NEGR1: variants seen among roughly 807,000 people sequenced by gnomAD.
The protein encoded by NEGR1 is neuronal growth regulator 1.
A neutral mutation model predicts 40.9 loss-of-function variants in NEGR1; 10 were observed. That is an observed-to-expected ratio of 0.24 (90% CI 0.15 to 0.42). The LOEUF is 0.42. Among genes scored for constraint, NEGR1 ranks in the 10% least tolerant of loss-of-function variants. The pLI, the probability that NEGR1 is intolerant of heterozygous loss-of-function variation, is 1.00. For synonymous variants in NEGR1, 185 were observed against 166.8 expected, an observed-to-expected ratio of 1.11 and a Z score of -0.84; for missense variants, 352 against 438.9, an observed-to-expected ratio of 0.80 and a Z score of 1.77.
intron 6 of NEGR1, among the ~76,000 whole-genome samples, chr1:71,505,952 A>C (rs1457878330): frequency 2.6e-5 from 4 of 152,182 alleles, no homozygotes; most frequent in African/African-American, 9.7e-5. Flanking sequence ...GCAAGTCTCT[A>C]AGAACAAATT....
At chr1:71,503,191 G>T (rs116168738) in intron 6 of NEGR1, among the ~76,000 whole-genome samples, 3 of 152,068 alleles carry the variant, frequency 2.0e-5, no homozygotes, top group African/African-American at 7.2e-5. Flanking sequence ...GTAACCCTTC[G>T]GTCTTTTGGC....
At chr1:72,254,616 G>C (rs1655203890) in intron 1 of NEGR1, among the ~76,000 whole-genome samples, 1 of 150,734 alleles carries the variant, frequency 6.6e-6, no homozygotes, top group Non-Finnish European at 1.5e-5. Context: ...GCAGGAGAAT[G>C]GTGTGAACCC....
Position 71,744,873 on chromosome 1 carries a change from T to C in NEGR1, c.535+31299A>G, listed in dbSNP as rs551382053. On this transcript the variant is annotated intron_variant, in intron 3 of 6. Transcript: ENST00000357731. ...TTTACTTTACAAAGAAATAGTTTTA[T>C]CATAAATACCTTTGGTGGAAATGGG... Among the ~76,000 whole-genome samples the C allele has an allele frequency of 2.0e-4, 31 of 152,326 alleles. 2 individuals carry two copies. In the South Asian group the frequency reaches 6.0e-3, roughly 30 times the overall value.
chr1:71,484,693 A>G (rs530055455), intron 6 of NEGR1: 173 of 151,868 alleles, frequency 1.1e-3, no homozygotes, highest in African/African-American at 4.0e-3. Flanking sequence ...CCTCTATCCA[A>G]TAGTATTAAT....
chr1:72,059,209 A>G (rs1048215341), intron 1 of NEGR1, among the ~76,000 whole-genome samples: 1 of 151,666 alleles, frequency 6.6e-6, no homozygotes, highest in Non-Finnish European at 1.5e-5. Context: ...TGAGCCTTAT[A>G]TATTAGTGTC....
At chr1:71,546,180 T>C (rs1647889729) in intron 6 of NEGR1, among the ~76,000 whole-genome samples, 1 of 151,748 alleles carries the variant, frequency 6.6e-6, no homozygotes. Flanking sequence ...TGATCCAACC[T>C]TCTTTGAAAT....
chr1:71,513,667 A>C (rs966705024), intron 6 of NEGR1, among the ~76,000 whole-genome samples: 1 of 152,188 alleles, frequency 6.6e-6, no homozygotes, highest in Non-Finnish European at 1.5e-5. Context: ...AGATTCACGG[A>C]AGTTAGGTAG....
At chr1:71,526,124 A>T (rs998147084) in intron 6 of NEGR1, among the ~76,000 whole-genome samples, 5 of 151,568 alleles carry the variant, frequency 3.3e-5, no homozygotes, top group African/African-American at 1.2e-4. Context: ...TTTCTGCTAT[A>T]CTTTTATCTG....
intron 4 of NEGR1, among the ~76,000 whole-genome samples, chr1:71,659,108 C>T (rs1651971678): frequency 6.6e-6 from 1 of 152,140 alleles, no homozygotes; most frequent in African/African-American, 2.4e-5. Flanking sequence ...CTTACTAGTT[C>T]TTTAACCCTA....
chr1:71,833,401 A>C (rs2101793357), intron 2 of NEGR1, among the ~76,000 whole-genome samples: 1 of 152,246 alleles, frequency 6.6e-6, no homozygotes, highest in East Asian at 1.9e-4. Flanking sequence ...GGAGTTAGAA[A>C]GGAAAAATTA....
At chr1:71,443,586 C>T (rs1646562496) in intron 6 of NEGR1, among the ~76,000 whole-genome samples, 1 of 152,090 alleles carries the variant, frequency 6.6e-6, no homozygotes, top group African/African-American at 2.4e-5. Context: ...GAATGAATGG[C>T]TTTGTAAGCA....
In NEGR1 at chr1:72,212,237, A is replaced by G. The variant is rs562562774; in HGVS notation, c.176+70082T>C. Reference sequence around the variant, plus strand: ...TTATCAATTGATGTTGTAAAATTACAATCAATTAACTTTATTAAATGATCT... The same window carrying G: ...TTATCAATTGATGTTGTAAAATTACGATCAATTAACTTTATTAAATGATCT... On this transcript the variant is annotated intron_variant, in intron 1 of 6. Coordinates refer to ENST00000357731, the MANE Select transcript of NEGR1 (RefSeq NM_173808.3). Among the ~76,000 whole-genome samples, 43 of 152,154 alleles carry G rather than the reference A, an allele frequency of 2.8e-4. 1 individual carries two copies. Among genetic ancestry groups the G allele is most frequent in the South Asian group, 1.2e-3 (6 of 4,826 alleles).
chr1:71,898,874 TATTGCAAATATATATATA>T (rs1392293390), intron 2 of NEGR1, among the ~76,000 whole-genome samples: 961 of 76,576 alleles, frequency 0.013, 17 homozygotes, highest in African/African-American at 0.04. Flanking sequence ...CAAATATATA[TATTGCAAATATATATATA>T]TTGCAAATAT....
At chr1:71,962,134 G>A (rs972973034) in intron 1 of NEGR1, among the ~76,000 whole-genome samples, 1 of 152,040 alleles carries the variant, frequency 6.6e-6, no homozygotes, top group African/African-American at 2.4e-5. Context: ...CAAAATGTCA[G>A]ATGAGACAGA....
At chr1:71,616,350 T>G (rs1290936585) in intron 4 of NEGR1, among the ~76,000 whole-genome samples, 1 of 152,190 alleles carries the variant, frequency 6.6e-6, no homozygotes, top group Non-Finnish European at 1.5e-5. Flanking sequence ...AACGCTATTG[T>G]GAACTGCACA....
chr1:72,152,286 GT>G (rs1651154893), intron 1 of NEGR1, among the ~76,000 whole-genome samples: 1 of 151,776 alleles, frequency 6.6e-6, no homozygotes, highest in East Asian at 1.9e-4. Context: ...CCATAATGGG[GT>G]TTTTCAAACA....
At chr1:72,175,859 T>C (rs539902727) in intron 1 of NEGR1, among the ~76,000 whole-genome samples, 12 of 152,248 alleles carry the variant, frequency 7.9e-5, no homozygotes, top group African/African-American at 2.9e-4. Flanking sequence ...CTCCACAGCT[T>C]AAACTAGCCT....
intron 2 of NEGR1, among the ~76,000 whole-genome samples, chr1:71,799,556 A>G (rs1165515608): frequency 6.6e-6 from 1 of 152,174 alleles, no homozygotes; most frequent in Non-Finnish European, 1.5e-5. Context: ...TTGGGTATAT[A>G]CCCAGTAATG....
chr1:72,206,245 C>T (rs926897895), intron 1 of NEGR1, among the ~76,000 whole-genome samples: 20 of 151,788 alleles, frequency 1.3e-4, no homozygotes, highest in African/African-American at 4.1e-4. Context: ...ATCAAATACA[C>T]ATTATTACCA....
Sources: gnomAD v4.1 joint callset for allele counts (sites outside exome capture counted in the v4.1 genomes callset) on GRCh38, gnomAD v4.1.1 for gene constraint, MANE v1.5 for transcripts, NCBI Gene and HGNC (gene_info 2026-07-23, HGNC 2026-07-21) for gene names.